Variants in PLXDC2 observed in about 807,000 individuals in gnomAD.
PLXDC2 encodes the protein plexin domain containing 2.
A neutral mutation model predicts 68.9 loss-of-function variants in PLXDC2; 40 were observed. The ratio of observed to expected loss-of-function variants is 0.58; its 90% CI spans 0.45 to 0.76. The LOEUF is 0.76. Among genes scored for constraint, PLXDC2 ranks in the 30% least tolerant of loss-of-function variants. The pLI is 0.00. For missense variants in PLXDC2, 644 were observed against 661.9 expected (o/e 0.97, Z 0.30); for synonymous variants, 243 against 234.2 (o/e 1.04, Z -0.34).
chr10:20,037,358 T>A (rs914036320), intron 2 of PLXDC2, among the ~76,000 whole-genome samples: 2 of 151,926 alleles, frequency 1.3e-5, no homozygotes, highest in Non-Finnish European at 2.9e-5. Context: ...TTTTTTTTTT[T>A]AATTTTTATT....
intron 12 of PLXDC2, among the ~76,000 whole-genome samples, chr10:20,238,607 A>G (rs1835465086): frequency 7.4e-6 from 1 of 135,884 alleles, no homozygotes; most frequent in South Asian, 2.4e-4. Context: ...AGATCGCACC[A>G]CTGCACTCTA....
At chr10:19,962,335 C>CTTTTTTT (rs33953842) in intron 1 of PLXDC2, among the ~76,000 whole-genome samples, 1 of 58,456 alleles carries the variant, frequency 1.7e-5, no homozygotes, top group Non-Finnish European at 2.9e-5. Context: ...AAAGGAGGTT[C>CTTTTTTT]TTTTTTTTTT....
chr10:19,971,935 G>T (rs11594415), intron 1 of PLXDC2, among the ~76,000 whole-genome samples: 1 of 152,004 alleles, frequency 6.6e-6, no homozygotes, highest in African/African-American at 2.4e-5. Flanking sequence ...GGGCAGGGGC[G>T]GCTAAAGCAC....
chr10:20,149,582 T>G (rs777809090), intron 6 of PLXDC2, among the ~76,000 whole-genome samples: 1 of 151,996 alleles, frequency 6.6e-6, no homozygotes, highest in Non-Finnish European at 1.5e-5. Context: ...CACCTTCCAC[T>G]CTCAAGTAGG....
intron 4 of PLXDC2, among the ~76,000 whole-genome samples, chr10:20,126,880 G>C (rs1315315765): frequency 6.8e-6 from 1 of 146,340 alleles, no homozygotes; most frequent in Non-Finnish European, 1.5e-5. Context: ...TATAATATAT[G>C]ATATATACTA....
intron 1 of PLXDC2, among the ~76,000 whole-genome samples, chr10:19,846,720 C>G (rs549587050): frequency 6.6e-6 from 1 of 152,248 alleles, no homozygotes; most frequent in East Asian, 1.9e-4. Context: ...AGGACAGTCT[C>G]GTGGGCCAAG....
At chr10:19,909,810 A>C (rs1434232850) in intron 1 of PLXDC2, among the ~76,000 whole-genome samples, 1 of 152,118 alleles carries the variant, frequency 6.6e-6, no homozygotes, top group Admixed American at 6.6e-5. Context: ...CTTTCGTAAC[A>C]CTTACTATAA....
chr10:19,821,241 G>T (rs117148556), intron 1 of PLXDC2, among the ~76,000 whole-genome samples: 1 of 152,222 alleles, frequency 6.6e-6, no homozygotes, highest in East Asian at 1.9e-4. Context: ...GTTCTTGAAA[G>T]CTCTCACCAG....
At chr10:20,172,673 G>A (rs1834464209) in intron 7 of PLXDC2, among the ~76,000 whole-genome samples, 1 of 152,112 alleles carries the variant, frequency 6.6e-6, no homozygotes, top group Non-Finnish European at 1.5e-5. Flanking sequence ...GGCAGGAAAT[G>A]CAGCTGGTTT....
intron 1 of PLXDC2, among the ~76,000 whole-genome samples, chr10:19,968,776 C>T (rs1834305501): frequency 6.6e-6 from 1 of 152,154 alleles, no homozygotes; most frequent in Non-Finnish European, 1.5e-5. Context: ...AATAAAATGT[C>T]TTTCAGTGAT....
Position 20,049,192 on chromosome 10 carries a change from G to C in PLXDC2, c.471+2177G>C, listed in dbSNP as rs188567432. On this transcript the variant is annotated intron_variant, in intron 3 of 13. Coordinates refer to ENST00000377252, the MANE Select transcript of PLXDC2 (RefSeq NM_032812.9). ...ATGTTAAAAACACTCAAGAAACTAG[G>C]CATGGAAGGAACATACCTCAAAGTA... Among the ~76,000 whole-genome samples the C allele has an allele frequency of 2.0e-5, 3 of 152,084 alleles. No individual in the cohort carries two copies. In the South Asian group the frequency reaches 6.2e-4, roughly 32 times the overall value.
At chr10:19,918,464 G>A (rs1833406342) in intron 1 of PLXDC2, among the ~76,000 whole-genome samples, 1 of 152,144 alleles carries the variant, frequency 6.6e-6, no homozygotes, top group African/African-American at 2.4e-5. Context: ...ACATTGAAAA[G>A]CACATAGGGG....
chr10:20,132,881 T>G (rs1833886406), intron 4 of PLXDC2, among the ~76,000 whole-genome samples: 1 of 152,126 alleles, frequency 6.6e-6, no homozygotes, highest in Admixed American at 6.5e-5. Flanking sequence ...TTTTATTGTT[T>G]TCTATTTTAT....
At chr10:20,175,318 G>A (rs1834511502) in intron 7 of PLXDC2, among the ~76,000 whole-genome samples, 1 of 152,100 alleles carries the variant, frequency 6.6e-6, no homozygotes, top group Admixed American at 6.6e-5. Context: ...GCTAGCAAAG[G>A]AGCCTGAGGC....
intron 1 of PLXDC2, among the ~76,000 whole-genome samples, chr10:19,919,384 G>A (rs979688151): frequency 1.3e-5 from 2 of 151,986 alleles, no homozygotes; most frequent in African/African-American, 4.9e-5. Flanking sequence ...CAGGAATGCA[G>A]CTTGCTGCCA....
At chr10:19,831,954 T>C (rs996278476) in intron 1 of PLXDC2, among the ~76,000 whole-genome samples, 2 of 152,210 alleles carry the variant, frequency 1.3e-5, no homozygotes, top group Non-Finnish European at 2.9e-5. Flanking sequence ...TTACTGCATA[T>C]ACACCCAGAG....
At position 20,211,715 on chromosome 10, in the gene PLXDC2, G is replaced by C; in HGVS notation, c.1108G>C (p.Gly370Arg). Residue 370 changes from glycine to arginine, a missense_variant, in exon 10 of 14, where the codon GGA becomes CGA. Transcript: ENST00000377252. ...DRHRQDWVDS[G>R]CPEESKEKMC... Reference sequence around the variant, plus strand: ...TCATCGGCAGGACTGGGTGGACAGTGGATGCCCTGAAGAGGTACACATGCT... The same window carrying C: ...TCATCGGCAGGACTGGGTGGACAGTCGATGCCCTGAAGAGGTACACATGCT... The C allele has an allele frequency of 6.2e-7, 1 of 1,613,000 alleles. No individual in the cohort carries two copies. Among genetic ancestry groups the C allele is most frequent in the Non-Finnish European group, 8.5e-7 (1 of 1,179,286 alleles).
At chr10:20,244,079 A>G (rs1211748722) in intron 12 of PLXDC2, among the ~76,000 whole-genome samples, 1 of 152,110 alleles carries the variant, frequency 6.6e-6, no homozygotes, top group South Asian at 2.1e-4. Flanking sequence ...GAAAAAACAA[A>G]GAAAGAAAAA....
At chr10:20,044,211 G>GTCTTTCTTTCTTTCTTTCTTTCTT (rs1226746835) in intron 2 of PLXDC2, among the ~76,000 whole-genome samples, 12 of 68,594 alleles carry the variant, frequency 1.7e-4, no homozygotes, top group South Asian at 6.1e-4. Flanking sequence ...CTCTCTCTCT[G>GTCTTTCTTTCTTTCTTTCTTTCTT]TCTTTCTTTC....
Sources: gnomAD v4.1 joint callset for allele counts (sites outside exome capture counted in the v4.1 genomes callset) on GRCh38, gnomAD v4.1.1 for gene constraint, MANE v1.5 for transcripts, NCBI Gene and HGNC (gene_info 2026-07-23, HGNC 2026-07-21) for gene names.